Variants in CGNL1 observed in about 807,000 individuals in gnomAD.
The protein encoded by CGNL1 is cingulin-like protein 1.
CGNL1 carries 132 observed loss-of-function variants against 141.2 expected under a neutral mutation model. The ratio of observed to expected loss-of-function variants is 0.93; its 90% CI spans 0.81 to 1.08. The LOEUF (loss-of-function observed/expected upper bound fraction) is 1.08. Ranked by LOEUF, CGNL1 falls within the 50% of genes least tolerant of loss-of-function variation. CGNL1 has a pLI of 0.00. For synonymous variants in CGNL1, 690 were observed against 622.1 expected (o/e 1.11, Z -1.63); for missense variants, 1,870 against 1,588.6 (o/e 1.18, Z -3.01).
intron 1 of CGNL1, among the ~76,000 whole-genome samples, chr15:57,377,776 T>C (rs1254664116): frequency 1.3e-5 from 2 of 152,186 alleles, no homozygotes; most frequent in Non-Finnish European, 2.9e-5. Flanking sequence ...AATACAGGGT[T>C]GTCCTATTCA....
At chr15:57,519,357 G>C (rs1161711044) in intron 10 of CGNL1, among the ~76,000 whole-genome samples, 1 of 152,152 alleles carries the variant, frequency 6.6e-6, no homozygotes, top group African/African-American at 2.4e-5. Context: ...GGCATTAAAA[G>C]TGTTAAGAGC....
intron 1 of CGNL1, chr15:57,405,094 G>A (rs1191489671): frequency 1.3e-5 from 2 of 152,102 alleles, no homozygotes; most frequent in African/African-American, 4.8e-5. Flanking sequence ...GATGCTTCAT[G>A]AATTTGCATA....
rs546339782 is a variant in CGNL1, at chr15:57,543,364, C to G, written c.3292-332C>G. ...AATCTCATTTTTAACTTGATTACCTCTCTAAAGTCCCCATCTCCAAATAAG... is the reference window on the plus strand; with the variant it reads ...AATCTCATTTTTAACTTGATTACCTGTCTAAAGTCCCCATCTCCAAATAAG... On this transcript the variant is annotated intron_variant, in intron 14 of 18. Coordinates refer to ENST00000281282, the MANE Select transcript of CGNL1 (RefSeq NM_032866.5). Among the ~76,000 whole-genome samples the G allele has an allele frequency of 1.5e-4, 23 of 152,266 alleles. No homozygotes were observed. The East Asian group carries it at 1.9e-3, about 13-fold the overall frequency.
intron 10 of CGNL1, among the ~76,000 whole-genome samples, chr15:57,522,626 A>G (rs370775515): frequency 6.6e-5 from 10 of 152,208 alleles, no homozygotes; most frequent in Admixed American, 2.0e-4. Flanking sequence ...CTATGGCCCT[A>G]ATGCTTAGCC....
intron 1 of CGNL1, among the ~76,000 whole-genome samples, chr15:57,398,846 A>G (rs1256690957): frequency 2.0e-5 from 3 of 152,208 alleles, no homozygotes; most frequent in Non-Finnish European, 4.4e-5. Flanking sequence ...AATTGCCCCA[A>G]AGTTTCCTCC....
chr15:57,403,259 CT>C (rs2062679521), intron 1 of CGNL1, among the ~76,000 whole-genome samples: 1 of 151,590 alleles, frequency 6.6e-6, no homozygotes, highest in Non-Finnish European at 1.5e-5. Flanking sequence ...AAACGCCCCT[CT>C]TTGGGGCCCA....
intron 8 of CGNL1, among the ~76,000 whole-genome samples, chr15:57,464,412 A>G (rs1224111093): frequency 3.9e-5 from 6 of 152,318 alleles, no homozygotes; most frequent in East Asian, 1.9e-4. Flanking sequence ...ACATAGACCA[A>G]TACACCCCAT....
intron 8 of CGNL1, among the ~76,000 whole-genome samples, chr15:57,516,150 C>G (rs866136836): frequency 3.7e-4 from 40 of 107,814 alleles, no homozygotes; most frequent in African/African-American, 1.4e-3. Context: ...CAGAGCGAGA[C>G]TCTGTCTCAA....
intron 9 of CGNL1, among the ~76,000 whole-genome samples, chr15:57,517,261 A>G (rs2922233): frequency 0.32 from 48,545 of 152,174 alleles, 7,740 homozygotes; most frequent in South Asian, 0.37. Flanking sequence ...CCAGCCTTCC[A>G]TGGCTTCACA....
At chr15:57,540,690 C>T (rs542461710) in intron 14 of CGNL1, among the ~76,000 whole-genome samples, 20 of 152,214 alleles carry the variant, frequency 1.3e-4, no homozygotes, top group Non-Finnish European at 2.5e-4. Context: ...CACCCCAGCA[C>T]ACTGTCCTTT....
chr15:57,442,701 C>T lies in CGNL1; in HGVS notation c.1803+223C>T, dbSNP rs183054381. 3.8e-4 allele frequency among the ~76,000 whole-genome samples: 58 copies of T among 152,248 alleles called. No homozygotes were observed. The East Asian group carries it at 0.011, about 28-fold the overall frequency. On this transcript the variant is annotated intron_variant, in intron 4 of 18. Transcript: ENST00000281282. ...TGGTATGATCTTGGCTCACTGCAAC[C>T]TCTGCCTCCTGAGCTCAAGCCATCC...
chr15:57,423,450 C>T (rs1225344306), intron 1 of CGNL1, among the ~76,000 whole-genome samples: 5 of 147,984 alleles, frequency 3.4e-5, no homozygotes, highest in South Asian at 2.2e-4. Context: ...TTTTTTTTAA[C>T]GTTAATTTCT....
intron 1 of CGNL1, among the ~76,000 whole-genome samples, chr15:57,400,924 A>G (rs941784116): frequency 1.3e-5 from 2 of 149,882 alleles, no homozygotes; most frequent in African/African-American, 4.9e-5. Context: ...CATGTTTGCA[A>G]TGAAAATTGA....
At chr15:57,417,690 G>A (rs1355303704) in intron 1 of CGNL1, among the ~76,000 whole-genome samples, 3 of 150,528 alleles carry the variant, frequency 2.0e-5, no homozygotes, top group Admixed American at 6.7e-5. Flanking sequence ...CAATTCATAA[G>A]CAATTGCATT....
chr15:57,380,570 A>G (rs1310703451), intron 1 of CGNL1, among the ~76,000 whole-genome samples: 1 of 152,176 alleles, frequency 6.6e-6, no homozygotes, highest in African/African-American at 2.4e-5. Context: ...GGCATAAGAC[A>G]TGCTTTACTT....
chr15:57,431,410 C>G (rs1454313403), intron 1 of CGNL1, among the ~76,000 whole-genome samples: 1 of 152,332 alleles, frequency 6.6e-6, no homozygotes, highest in African/African-American at 2.4e-5. Flanking sequence ...AGAGAGAAAA[C>G]ATAAAGCTCA....
At chr15:57,501,278 C>T (rs768709132) in intron 8 of CGNL1, among the ~76,000 whole-genome samples, 1 of 152,222 alleles carries the variant, frequency 6.6e-6, no homozygotes, top group Non-Finnish European at 1.5e-5. Flanking sequence ...AGTGACTTAC[C>T]TCTCAGTACC....
chr15:57,438,548 C>T lies in CGNL1; in HGVS notation c.549C>T (p.Ile183=), dbSNP rs2063138192. The change falls in exon 2 of 19, where the codon ATC becomes ATT. Residue 183 remains isoleucine (I), a synonymous_variant. Transcript: ENST00000281282. ...TAAAAACGTTGACAGAAGAAGGCAT[C>T]AACAATAAGAAGCCTTGGACTTGCT... The part of the protein sequence containing the change: ...NWLKTLTEEG[I]NNKKPWTCFP... 1 of 1,613,708 alleles carries T rather than the reference C, an allele frequency of 6.2e-7. No homozygotes were observed. Among genetic ancestry groups the T allele is most frequent in the Admixed American group, 1.7e-5 (1 of 60,000 alleles).
intron 1 of CGNL1, among the ~76,000 whole-genome samples, chr15:57,426,462 T>TC (rs2062975602): frequency 6.6e-6 from 1 of 150,804 alleles, no homozygotes; most frequent in Admixed American, 6.6e-5. Context: ...TTTTTTTTTT[T>TC]TAAAGACAGG....
Sources: allele counts gnomAD v4.1 joint callset (sites outside exome capture counted in the v4.1 genomes callset), GRCh38; gene constraint gnomAD v4.1.1; transcripts MANE v1.5; gene names NCBI Gene and HGNC (gene_info 2026-07-23, HGNC 2026-07-21).